Variants in TMCC1 observed in about 807,000 individuals in gnomAD.
TMCC1 encodes transmembrane and coiled-coil domain family 1, also known as transmembrane and coiled-coil domains protein 1.
TMCC1 carries 15 observed loss-of-function variants against 52.4 expected under a neutral mutation model. The ratio of observed to expected loss-of-function variants is 0.29; its 90% CI spans 0.19 to 0.44. The LOEUF is 0.44. Among genes scored for constraint, TMCC1 ranks in the 20% least tolerant of loss-of-function variants. TMCC1 has a pLI of 1.00. For missense variants in TMCC1, 503 were observed against 806.0 expected, an observed-to-expected ratio of 0.62 and a Z score of 4.55; for synonymous variants, 279 against 301.9, an observed-to-expected ratio of 0.92 and a Z score of 0.79.
intron 4 of TMCC1, among the ~76,000 whole-genome samples, chr3:129,801,068 C>T (rs539369973): frequency 2.6e-5 from 4 of 151,760 alleles, no homozygotes; most frequent in Admixed American, 1.3e-4. Context: ...GGACAACAGG[C>T]GCCCGCCACC....
intron 4 of TMCC1, among the ~76,000 whole-genome samples, chr3:129,801,984 C>T (rs1259228309): frequency 6.6e-6 from 1 of 152,188 alleles, no homozygotes; most frequent in African/African-American, 2.4e-5. Context: ...TCAGAGCTTT[C>T]AAGTTAAAAA....
chr3:129,656,832 TTTTCC>T (rs1424574355), intron 5 of TMCC1: 4 of 152,232 alleles, frequency 2.6e-5, no homozygotes, highest in Non-Finnish European at 5.9e-5. Context: ...TGACTCTGCC[TTTTCC>T]TTTCATCTGC....
At chr3:129,675,376 G>C (rs1194764483) in intron 4 of TMCC1, among the ~76,000 whole-genome samples, 1 of 152,198 alleles carries the variant, frequency 6.6e-6, no homozygotes, top group African/African-American at 2.4e-5. Context: ...AAGTTATTTA[G>C]ACAAGTTACT....
intron 4 of TMCC1, among the ~76,000 whole-genome samples, chr3:129,698,442 G>C (rs1056503955): frequency 6.6e-6 from 1 of 152,166 alleles, no homozygotes; most frequent in Non-Finnish European, 1.5e-5. Flanking sequence ...TTTGGGTGGG[G>C]ACATAGCCAA....
chr3:129,784,111 C>T (rs1350448275), intron 4 of TMCC1, among the ~76,000 whole-genome samples: 1 of 151,918 alleles, frequency 6.6e-6, no homozygotes, highest in Non-Finnish European at 1.5e-5. Flanking sequence ...AAAAAGAAGA[C>T]AAGAAGACAA....
intron 4 of TMCC1, among the ~76,000 whole-genome samples, chr3:129,732,732 C>T (rs542571147): frequency 6.6e-6 from 1 of 152,254 alleles, no homozygotes; most frequent in South Asian, 2.1e-4. Flanking sequence ...CACAGCTCCA[C>T]TGATCTGAGA....
chr3:129,672,071 C>T (rs1439535471), intron 4 of TMCC1, among the ~76,000 whole-genome samples: 1 of 152,192 alleles, frequency 6.6e-6, no homozygotes, highest in African/African-American at 2.4e-5. Context: ...AGGCAAGGGA[C>T]TCCAAAGCAC....
chr3:129,693,261 A>G (rs1168830843), intron 4 of TMCC1, among the ~76,000 whole-genome samples: 6 of 152,288 alleles, frequency 3.9e-5, no homozygotes, highest in South Asian at 4.1e-4. Flanking sequence ...AGAGAGCACA[A>G]TAATTCTCTG....
chr3:129,873,594 C>G (rs1577176317), intron 2 of TMCC1, among the ~76,000 whole-genome samples: 1 of 152,124 alleles, frequency 6.6e-6, no homozygotes, highest in South Asian at 2.1e-4. Flanking sequence ...GCAAGAGGAT[C>G]CCTTGAGCCC....
At chr3:129,754,039 G>A (rs1197065915) in intron 4 of TMCC1, among the ~76,000 whole-genome samples, 2 of 151,786 alleles carry the variant, frequency 1.3e-5, no homozygotes, top group Non-Finnish European at 2.9e-5. Context: ...TAAGGTCACA[G>A]GACACAAGGT....
intron 4 of TMCC1, among the ~76,000 whole-genome samples, chr3:129,693,503 ATTTTTTTT>A (rs11433105): frequency 4.1e-5 from 5 of 122,014 alleles, no homozygotes; most frequent in Non-Finnish European, 6.6e-5. Context: ...CCAAGATTGA[ATTTTTTTT>A]TTTTTTTTTT....
chr3:129,726,473 ATTTTATTGTGCTT>A (rs1321777256), intron 4 of TMCC1, among the ~76,000 whole-genome samples: 1 of 152,162 alleles, frequency 6.6e-6, no homozygotes, highest in Non-Finnish European at 1.5e-5. Context: ...ACTCTGGATT[ATTTTATTGTGCTT>A]TACTATCTGT....
At chr3:129,704,720 G>A (rs1427891983) in intron 4 of TMCC1, among the ~76,000 whole-genome samples, 4 of 152,050 alleles carry the variant, frequency 2.6e-5, no homozygotes, top group Non-Finnish European at 5.9e-5. Flanking sequence ...ACTCGGCCCG[G>A]GCAGAACATT....
chr3:129,759,103 G>A (rs1246368808), intron 4 of TMCC1, among the ~76,000 whole-genome samples: 4 of 152,124 alleles, frequency 2.6e-5, no homozygotes, highest in Non-Finnish European at 5.9e-5. Context: ...CAGCTATTGT[G>A]ATTAGTGCTA....
intron 4 of TMCC1, among the ~76,000 whole-genome samples, chr3:129,800,734 A>G (rs1208901356): frequency 6.6e-6 from 1 of 152,052 alleles, no homozygotes; most frequent in Non-Finnish European, 1.5e-5. Context: ...ATATTTTGCT[A>G]TTTAACCTTT....
At chr3:129,693,450 G>A (rs1420291301) in intron 4 of TMCC1, among the ~76,000 whole-genome samples, 4 of 151,500 alleles carry the variant, frequency 2.6e-5, no homozygotes, top group African/African-American at 9.7e-5. Context: ...ATCTTAATCA[G>A]GGGCCCAAAT....
intron 4 of TMCC1, among the ~76,000 whole-genome samples, chr3:129,817,876 G>A (rs569279023): frequency 6.6e-5 from 10 of 152,080 alleles, no homozygotes; most frequent in African/African-American, 1.9e-4. Context: ...GCAATGGCGC[G>A]ATCTCAGCTC....
At chr3:129,762,318 G>A (rs1231538025) in intron 4 of TMCC1, among the ~76,000 whole-genome samples, 1 of 152,070 alleles carries the variant, frequency 6.6e-6, no homozygotes, top group African/African-American at 2.4e-5. Context: ...GGGGGTACAG[G>A]TGTGAGCTAT....
At chr3:129,768,460 A>G (rs569785258) in intron 4 of TMCC1, among the ~76,000 whole-genome samples, 1 of 152,322 alleles carries the variant, frequency 6.6e-6, no homozygotes, top group East Asian at 1.9e-4. Flanking sequence ...TTAAGCAACT[A>G]GATCTAAGGT....
Sources: gnomAD v4.1 joint callset for allele counts (sites outside exome capture counted in the v4.1 genomes callset) on GRCh38, gnomAD v4.1.1 for gene constraint, MANE v1.5 for transcripts, NCBI Gene and HGNC (gene_info 2026-07-23, HGNC 2026-07-21) for gene names.